OGDH: variants seen among roughly 807,000 people sequenced by gnomAD.
OGDH encodes the protein 2-oxoglutarate dehydrogenase complex component E1.
Under a neutral mutation model 116.6 loss-of-function variants are expected in OGDH, and 38 were observed. That is an observed-to-expected ratio of 0.33 (90% CI 0.25 to 0.43). The LOEUF is 0.43. Ranked by LOEUF, OGDH falls within the 20% of genes least tolerant of loss-of-function variation. OGDH has a pLI of 1.00. For synonymous variants in OGDH, 488 were observed against 533.3 expected, an observed-to-expected ratio of 0.92 and a Z score of 1.17; for missense variants, 825 against 1,357.2, an observed-to-expected ratio of 0.61 and a Z score of 6.16.
intron 7 of OGDH, 167 bp downstream of exon 7, chr7:44,674,724 A>G (rs1420944564): frequency 2.8e-6 from 2 of 715,552 alleles, no homozygotes; most frequent in East Asian, 5.5e-5. Context: ...GGATTCTCAC[A>G]TTGCCTGCCT....
intron 20 of OGDH, among the ~76,000 whole-genome samples, chr7:44,704,222 T>A (rs924096721): frequency 5.9e-5 from 9 of 152,380 alleles, no homozygotes; most frequent in South Asian, 4.1e-4. Flanking sequence ...TACTATTTTC[T>A]GGTTTTTTCA....
At chr7:44,656,054 G>A (rs139347992) in intron 4 of OGDH, among the ~76,000 whole-genome samples, 243 of 152,230 alleles carry the variant, frequency 1.6e-3, no homozygotes, top group Admixed American at 2.9e-3. Context: ...GCTTTCCATC[G>A]TCAGGGTGCT....
chr7:44,615,391 T>C (rs1187267479), intron 1 of OGDH, among the ~76,000 whole-genome samples: 2 of 152,130 alleles, frequency 1.3e-5, no homozygotes, highest in African/African-American at 2.4e-5. Context: ...GGGGTGCTGC[T>C]TCATTACTGC....
intron 1 of OGDH, among the ~76,000 whole-genome samples, chr7:44,620,869 T>A (rs1585227670): frequency 6.6e-6 from 1 of 152,240 alleles, no homozygotes; most frequent in South Asian, 2.1e-4. Context: ...CATCCCTGTT[T>A]TAAACCAAAA....
intron 1 of OGDH, among the ~76,000 whole-genome samples, chr7:44,609,850 G>C (rs990644151): frequency 6.6e-6 from 1 of 152,164 alleles, no homozygotes; most frequent in African/African-American, 2.4e-5. Context: ...GCCAGCATTT[G>C]GTGATGTTAC....
intron 10 of OGDH, among the ~76,000 whole-genome samples, chr7:44,682,366 CAA>C (rs994650618): frequency 2.7e-5 from 4 of 147,194 alleles, no homozygotes; most frequent in Admixed American, 6.9e-5. Context: ...GCCTGGACAA[CAA>C]GAGCGAAACT....
chr7:44,651,527 G>T (rs1474247480), intron 4 of OGDH, among the ~76,000 whole-genome samples: 1 of 152,150 alleles, frequency 6.6e-6, no homozygotes, highest in Non-Finnish European at 1.5e-5. Flanking sequence ...TATGAATACA[G>T]TAAAAAATAT....
chr7:44,705,849 C>G (rs112404329), intron 20 of OGDH, among the ~76,000 whole-genome samples: 1 of 152,184 alleles, frequency 6.6e-6, no homozygotes, highest in South Asian at 2.1e-4. Flanking sequence ...GTCCGTCACC[C>G]GAGTACGATA....
At chr7:44,625,831 G>A (rs1785182411) in intron 2 of OGDH, among the ~76,000 whole-genome samples, 1 of 151,998 alleles carries the variant, frequency 6.6e-6, no homozygotes, top group Non-Finnish European at 1.5e-5. Flanking sequence ...AATTTAGCTA[G>A]GTGTGGTGGC....
chr7:44,674,047 G>T (rs1458520590), intron 6 of OGDH, 106 bp downstream of exon 6: 4 of 1,325,666 alleles, frequency 3.0e-6, no homozygotes, highest in Middle Eastern at 2.2e-4. Flanking sequence ...GTGAGAGGGG[G>T]TTTGGGGTGG....
At chr7:44,616,883 A>G (rs1213728993) in intron 1 of OGDH, among the ~76,000 whole-genome samples, 10 of 120,440 alleles carry the variant, frequency 8.3e-5, no homozygotes, top group East Asian at 2.8e-4. Context: ...GTATATATAT[A>G]TGTATATATG....
At chr7:44,624,623 T>A in intron 2 of OGDH, 58 bp downstream of exon 2, 1 of 1,468,736 alleles carries the variant, frequency 6.8e-7, no homozygotes, top group Non-Finnish European at 9.5e-7. Flanking sequence ...TGTTCCTGAC[T>A]GGTCACCAGG....
At chr7:44,679,492 G>A (rs979899992) in intron 9 of OGDH, among the ~76,000 whole-genome samples, 1 of 152,082 alleles carries the variant, frequency 6.6e-6, no homozygotes, top group African/African-American at 2.4e-5. Flanking sequence ...ACAAATCATG[G>A]GTCTTAACCA....
intron 9 of OGDH, among the ~76,000 whole-genome samples, chr7:44,681,017 T>C (rs1787908110): frequency 6.6e-6 from 1 of 152,192 alleles, no homozygotes; most frequent in South Asian, 2.1e-4. Flanking sequence ...TTGCAGAGAA[T>C]GCCAACTAAT....
At chr7:44,646,482 A>G (rs1015563135) in intron 3 of OGDH, among the ~76,000 whole-genome samples, 5 of 152,242 alleles carry the variant, frequency 3.3e-5, no homozygotes, top group African/African-American at 1.2e-4. Context: ...CTGCCTTAGA[A>G]AGGAGATGCA....
chr7:44,611,913 G>C (rs1411781090), intron 1 of OGDH, among the ~76,000 whole-genome samples: 1 of 151,676 alleles, frequency 6.6e-6, no homozygotes, highest in Non-Finnish European at 1.5e-5. Context: ...TATTCTAAAA[G>C]TTTTAATGTT....
rs765909417 is a variant in OGDH at position 44,707,862 on chromosome 7, C to T, written c.2952-17C>T. The T allele has an allele frequency of 1.2e-6, 2 of 1,611,188 alleles. No homozygotes were observed. The highest frequency in any genetic ancestry group is 1.7e-6 in the Non-Finnish European group (2 of 1,178,740). On this transcript the variant is annotated splice_polypyrimidine_tract_variant and intron_variant, in intron 22 of 22. Transcript: ENST00000222673. The surrounding 1 kb of genome is among the most constrained non-coding windows in gnomAD (Gnocchi z 5.2). ...CAGTGTCCCCTGCCCTCACTGCCCC[C>T]TCCCTCCATCTCTCAGGTATGCCGG...
chr7:44,668,391 G>C (rs1447219513), intron 5 of OGDH, among the ~76,000 whole-genome samples: 1 of 152,048 alleles, frequency 6.6e-6, no homozygotes, highest in East Asian at 1.9e-4. Flanking sequence ...AGCGAAGATC[G>C]CGCCACTGCA....
chr7:44,640,254 G>A (rs911707024), intron 2 of OGDH, among the ~76,000 whole-genome samples: 3 of 152,088 alleles, frequency 2.0e-5, no homozygotes, highest in South Asian at 2.1e-4. Flanking sequence ...TTTAAGCGTC[G>A]CTCTGCTATT....
Sources: allele counts gnomAD v4.1 joint callset (sites outside exome capture counted in the v4.1 genomes callset), GRCh38; gene constraint gnomAD v4.1.1; non-coding constraint Gnocchi (gnomAD v3.1); transcripts MANE v1.5; gene names NCBI Gene and HGNC (gene_info 2026-07-23, HGNC 2026-07-21).